The following DCUN1D5 variants were observed in gnomAD, a reference collection of about 807,000 sequenced individuals.
DCUN1D5 encodes the protein defective in cullin neddylation 1 domain containing 5.
DCUN1D5 carries 10 observed loss-of-function variants against 38.3 expected under a neutral mutation model. That is an observed-to-expected ratio of 0.26 (90% CI 0.16 to 0.44). The LOEUF is 0.44. DCUN1D5 is among the 20% of genes least tolerant of loss of function. DCUN1D5 has a pLI of 1.00. For synonymous variants in DCUN1D5, 93 were observed against 90.9 expected (o/e 1.02, Z -0.13); for missense variants, 148 against 275.3 (o/e 0.54, Z 3.27).
rs2134636086 is a variant in DCUN1D5 at position 103,086,702 on chromosome 11, A to G, written c.178+2525T>C. Among the ~76,000 whole-genome samples the G allele has an allele frequency of 6.6e-6, 1 of 152,324 alleles. No individual in the cohort carries two copies. Among genetic ancestry groups the G allele is most frequent in the South Asian group, 2.1e-4 (1 of 4,826 alleles). ...GATCTTGTCTGACTTGCTCAGCACT[A>G]TATATCCAGCACTCAGCACAGTGCC... On this transcript the variant is annotated intron_variant, in intron 2 of 7. Coordinates refer to ENST00000260247, the MANE Select transcript of DCUN1D5 (RefSeq NM_032299.4). This position sits in a 1 kb window ranked among gnomAD's most constrained non-coding sequence, Gnocchi z 4.1.
rs1862738291 is a variant in DCUN1D5 at position 103,087,334 on chromosome 11, C to A, written c.178+1893G>T. On this transcript the variant is annotated intron_variant, in intron 2 of 7. Transcript: ENST00000260247. The surrounding 1 kb of genome is among the most constrained non-coding windows in gnomAD (Gnocchi z 4.1). Reference sequence around the variant, plus strand: ...TACAGGCGCACACCACCACGCCCGGCTAATTGTTTGTGTTTTTGGTAGAGA... The same window carrying A: ...TACAGGCGCACACCACCACGCCCGGATAATTGTTTGTGTTTTTGGTAGAGA... 6.6e-6 allele frequency among the ~76,000 whole-genome samples: 1 copy of A among 151,996 alleles called. No homozygotes were observed. Among genetic ancestry groups the A allele is most frequent in the Non-Finnish European group, 1.5e-5 (1 of 67,986 alleles).
In DCUN1D5 at chr11:103,087,776, C is replaced by T. The variant is rs1388870275; in HGVS notation, c.178+1451G>A. Among the ~76,000 whole-genome samples the T allele has an allele frequency of 2.6e-5, 4 of 151,986 alleles. No individual in the cohort carries two copies. Among genetic ancestry groups the T allele is most frequent in the Admixed American group, 2.6e-4 (4 of 15,268 alleles). On this transcript the variant is annotated intron_variant, in intron 2 of 7. Transcript: ENST00000260247. This position sits in a 1 kb window ranked among gnomAD's most constrained non-coding sequence, Gnocchi z 4.1. The stretch of plus-strand genomic sequence containing the variant: ...ATTATTATGTTGGCTATTAAAAATG[C>T]TAATATAGTAAACAAATGTTTAATT...
At chr11:103,089,416 G>GTT in intron 1 of DCUN1D5, 98 bp from the exon 2 acceptor site, 6 of 1,063,684 alleles carry the variant, frequency 5.6e-6, no homozygotes, top group Non-Finnish European at 7.7e-6. Context: ...ATTAAACAAA[G>GTT]GTTTTTTTTT....
chr11:103,081,894 T>G (rs1348636980), intron 4 of DCUN1D5, among the ~76,000 whole-genome samples: 1 of 151,920 alleles, frequency 6.6e-6, no homozygotes, highest in African/African-American at 2.4e-5. Context: ...AAAAAAAAAT[T>G]TAAGGCCAGG....
rs1468727149 is a variant in DCUN1D5 at position 103,091,010 on chromosome 11, T to C, written c.86+777A>G. Among the ~76,000 whole-genome samples the C allele has an allele frequency of 1.3e-5, 2 of 152,234 alleles. No individual in the cohort carries two copies. The highest frequency in any genetic ancestry group is 1.5e-5 in the Non-Finnish European group (1 of 68,038). On this transcript the variant is annotated intron_variant, in intron 1 of 7. Transcript: ENST00000260247. This position sits in a 1 kb window ranked among gnomAD's most constrained non-coding sequence, Gnocchi z 4.3. ...ATTTTGCTGTGATGCCTCCATGATA[T>C]GCTACAAGGGGATCAAAGAGCTACT...
At chr11:103,076,894 C>CT (rs1181504413) in intron 4 of DCUN1D5, among the ~76,000 whole-genome samples, 3 of 152,150 alleles carry the variant, frequency 2.0e-5, no homozygotes, top group Non-Finnish European at 4.4e-5. Context: ...ATCCAACAGA[C>CT]TTTTTTGTAG....
rs1316856870 is a variant in DCUN1D5 at position 103,053,645 on chromosome 11, A to G, written c.*8714T>C. On this transcript the variant is annotated 3_prime_UTR_variant, in exon 8 of 8. Transcript: ENST00000260247. The surrounding 1 kb of genome is among the most constrained non-coding windows in gnomAD (Gnocchi z 4.8). Reference sequence around the variant, plus strand: ...ATCAATGAATTTTAATTATATGAATATATCATACTATCACATGTACCCCCA... The same window carrying G: ...ATCAATGAATTTTAATTATATGAATGTATCATACTATCACATGTACCCCCA... The G allele has an allele frequency of 6.6e-6, 1 of 151,998 alleles. No homozygotes were observed. The highest frequency in any genetic ancestry group is 1.9e-4 in the East Asian group (1 of 5,192). 9.4% of individuals were successfully genotyped at this position (151,998 alleles called of 1,614,324 possible). A position where few individuals can be genotyped will look rare whatever the true frequency, so the allele number is the denominator to read the frequency against.
chr11:103,082,321 T>C (rs1388248633), intron 4 of DCUN1D5, among the ~76,000 whole-genome samples: 1 of 152,140 alleles, frequency 6.6e-6, no homozygotes, highest in Non-Finnish European at 1.5e-5. Context: ...GTTATGTAAC[T>C]CTATCTTCAA....
chr11:103,085,533 G>C (rs553716759), intron 2 of DCUN1D5, among the ~76,000 whole-genome samples: 1 of 152,344 alleles, frequency 6.6e-6, no homozygotes, highest in Non-Finnish European at 1.5e-5. Context: ...TTAGAAGCAA[G>C]TCAAATGAGA....
rs367766188 is a variant in DCUN1D5, at chr11:103,078,462, T to C, written c.341+4286A>G. On this transcript the variant is annotated intron_variant, in intron 4 of 7. Coordinates refer to ENST00000260247, the MANE Select transcript of DCUN1D5 (RefSeq NM_032299.4). The surrounding 1 kb of genome is among the most constrained non-coding windows in gnomAD (Gnocchi z 4.6). ...TGCCTCTTAATGGGAACGAGGTCCA[T>C]AGTTCTCATAAGACTCTCAAAAGAG... 5.3e-5 allele frequency among the ~76,000 whole-genome samples: 8 copies of C among 152,352 alleles called. No homozygotes were observed. In the East Asian group the frequency reaches 9.6e-4, roughly 18 times the overall value.
chr11:103,083,272 C>T lies in DCUN1D5; in HGVS notation c.233G>A (p.Gly78Asp). 6.3e-7 allele frequency: 1 copy of T among 1,594,324 alleles called. No homozygotes were observed. The highest frequency in any genetic ancestry group is 8.6e-7 in the Non-Finnish European group (1 of 1,162,610). Residue 78 changes from glycine to aspartate, a missense_variant, in exon 3 of 8, where the codon GGT (glycine) becomes GAT (aspartate). By Grantham distance (94) the Gly-to-Asp change is moderately conservative. Coordinates refer to ENST00000260247, the MANE Select transcript of DCUN1D5 (RefSeq NM_032299.4). The surrounding 1 kb of genome is among the most constrained non-coding windows in gnomAD (Gnocchi z 4.4). ...AAAACATACATTTTCAGGTTCAACA[C>T]CAATGTCTTCACAAAATTTTTCCAT... Reference protein sequence around the residue: ...EGMEKFCEDIGVEPENIIMLV... With the variant: ...EGMEKFCEDIDVEPENIIMLV...
intron 2 of DCUN1D5, among the ~76,000 whole-genome samples, chr11:103,088,537 C>A (rs1862772672): frequency 6.6e-6 from 1 of 152,156 alleles, no homozygotes; most frequent in Non-Finnish European, 1.5e-5. Flanking sequence ...GGCTCTTCAT[C>A]CACCAGTTAC....
chr11:103,081,969 A>G (rs1212570300), intron 4 of DCUN1D5, among the ~76,000 whole-genome samples: 1 of 152,096 alleles, frequency 6.6e-6, no homozygotes, highest in Non-Finnish European at 1.5e-5. Flanking sequence ...CCAAACAGCT[A>G]ATTAAGCCCC....
At chr11:103,089,965 GT>G (rs1862814811) in intron 1 of DCUN1D5, among the ~76,000 whole-genome samples, 1 of 150,938 alleles carries the variant, frequency 6.6e-6, no homozygotes, top group Non-Finnish European at 1.5e-5. Context: ...CATTTTCATT[GT>G]TTTTCATAAA....
intron 4 of DCUN1D5, among the ~76,000 whole-genome samples, chr11:103,075,681 G>T (rs1242779493): frequency 6.6e-6 from 1 of 152,082 alleles, no homozygotes; most frequent in Non-Finnish European, 1.5e-5. Flanking sequence ...GCCTGGCCAA[G>T]ATGTTTTTAT....
In DCUN1D5 at chr11:103,062,421, A is replaced by G. The variant is rs878891208; in HGVS notation, c.659-7T>C. ...TCATCAAGAAGAACAGGCCCTAGAAAAAAAGAAACCATTTTTGTCAGAATT... is the reference window on the plus strand; with the variant it reads ...TCATCAAGAAGAACAGGCCCTAGAAGAAAAGAAACCATTTTTGTCAGAATT... On this transcript the variant is annotated splice_region_variant and splice_polypyrimidine_tract_variant and intron_variant, in intron 7 of 7. Transcript: ENST00000260247. The surrounding 1 kb of genome is among the most constrained non-coding windows in gnomAD (Gnocchi z 4.6). 1 of 1,610,242 alleles carries G rather than the reference A, an allele frequency of 6.2e-7. No homozygotes were observed. The highest frequency in any genetic ancestry group is 8.5e-7 in the Non-Finnish European group (1 of 1,178,756).
chr11:103,082,906 C>T (rs1395605835), intron 3 of DCUN1D5, 67 bp from the exon 4 acceptor site: 3 of 1,235,830 alleles, frequency 2.4e-6, no homozygotes, highest in Admixed American at 1.9e-5. Context: ...CTATATTTAT[C>T]ATGGAGAGCA....
Position 103,051,992 on chromosome 11 carries a change from A to ATAGC in DCUN1D5, c.*10363_*10366dup, listed in dbSNP as rs1372204524. ...AGAACTCACTCTCCTCTGAACTCCT[A>ATAGC]TAGCTTATTGTCATATTATTCAACT... On this transcript the variant is annotated 3_prime_UTR_variant, in exon 8 of 8. Coordinates refer to ENST00000260247, the MANE Select transcript of DCUN1D5 (RefSeq NM_032299.4). 9 of 152,150 alleles carry ATAGC rather than the reference A, an allele frequency of 5.9e-5. No homozygotes were observed. The highest frequency in any genetic ancestry group is 2.2e-4 in the African/African-American group (9 of 41,432). The allele number at this position is 152,150 out of a possible 1,614,324, so 9.4% of individuals were successfully genotyped here.
rs1274672527 is a variant in DCUN1D5 at position 103,060,776 on chromosome 11, T to C, written c.*1583A>G. 6.6e-6 allele frequency among the ~76,000 whole-genome samples: 1 copy of C among 152,214 alleles called. No individual in the cohort carries two copies. The highest frequency in any genetic ancestry group is 2.4e-5 in the African/African-American group (1 of 41,454). On this transcript the variant is annotated 3_prime_UTR_variant, in exon 8 of 8. Coordinates refer to ENST00000260247, the MANE Select transcript of DCUN1D5 (RefSeq NM_032299.4). ...GTGGATATGTTCTTCAGTTCAGATGTGCCTTGAAGAGTCAACTAAATTATA... is the reference window on the plus strand; with the variant it reads ...GTGGATATGTTCTTCAGTTCAGATGCGCCTTGAAGAGTCAACTAAATTATA...
Sources: allele counts gnomAD v4.1 joint callset (sites outside exome capture counted in the v4.1 genomes callset), GRCh38; gene constraint gnomAD v4.1.1; non-coding constraint Gnocchi (gnomAD v3.1); transcripts MANE v1.5; gene names NCBI Gene and HGNC (gene_info 2026-07-23, HGNC 2026-07-21).